The following DNAH5 variants were observed in gnomAD, a reference collection of about 807,000 sequenced individuals.
DNAH5 encodes axonemal beta dynein heavy chain 5.
A neutral mutation model predicts 518.2 loss-of-function variants in DNAH5; 372 were observed. The observed-to-expected ratio is 0.72, with a 90% confidence interval of 0.66 to 0.78. The LOEUF (loss-of-function observed/expected upper bound fraction) is 0.78, where lower values mean the gene tolerates loss of function less well. Among genes scored for constraint, DNAH5 ranks in the 30% least tolerant of loss-of-function variants. The pLI, the probability that DNAH5 is intolerant of heterozygous loss-of-function variation, is 0.00. For missense variants in DNAH5, 5,523 were observed against 5,687.0 expected, an observed-to-expected ratio of 0.97 and a Z score of 0.93; for synonymous variants, 2,039 against 2,025.9, an observed-to-expected ratio of 1.01 and a Z score of -0.17.
At chr5:13,821,071 TA>T (rs1762182935) in intron 40 of DNAH5, among the ~76,000 whole-genome samples, 1 of 152,162 alleles carries the variant, frequency 6.6e-6, no homozygotes, top group South Asian at 2.1e-4. Flanking sequence ...TTTACCATAA[TA>T]AAAAATATAT....
chr5:13,907,863 TAA>T (rs1202038186), intron 12 of DNAH5, among the ~76,000 whole-genome samples: 1 of 152,364 alleles, frequency 6.6e-6, no homozygotes, highest in Admixed American at 6.5e-5. Context: ...AAGTTTTAAT[TAA>T]GTCTTTGCAA....
chr5:13,919,173 G>T lies in DNAH5; in HGVS notation c.975+3C>A, dbSNP rs754023963. On this transcript the variant is annotated splice_donor_region_variant and intron_variant, in intron 7 of 78. Coordinates refer to ENST00000265104, the MANE Select transcript of DNAH5 (RefSeq NM_001369.3). ...CACAAGGCAAAATGAAATGGCTGAC[G>T]ACCTTCAGCAGTTTCGACTTGGCCG... The T allele has an allele frequency of 7.7e-5, 125 of 1,613,686 alleles. 2 individuals carry two copies. In the East Asian group the frequency reaches 2.8e-3, roughly 36 times the overall value.
intron 41 of DNAH5, among the ~76,000 whole-genome samples, chr5:13,819,099 CGA>C (rs1320972253): frequency 6.6e-6 from 1 of 152,074 alleles, no homozygotes; most frequent in Non-Finnish European, 1.5e-5. Flanking sequence ...TCATTTTGTT[CGA>C]GTCATTGTAC....
At chr5:13,741,731 T>C (rs1444043740) in intron 65 of DNAH5, among the ~76,000 whole-genome samples, 1 of 152,138 alleles carries the variant, frequency 6.6e-6, no homozygotes, top group Non-Finnish European at 1.5e-5. Context: ...CATTTAAAGG[T>C]CTTCACCTGA....
chr5:13,692,067 T>C lies in DNAH5; in HGVS notation c.13792A>G (p.Ile4598Val), dbSNP rs752872674. ...GCTGTCCTGAGATCCACAGCGGCAA[T>C]GTAGTTCAAGTCCGTTCGAACTGGC... ...KKPVRTDLNY[I>V]AAVDLRTAQT... The change falls in exon 79 of 79, where the codon ATT becomes GTT. Residue 4598 changes from isoleucine (I) to valine (V), a missense_variant. Ile to Val is a conservative substitution (Grantham distance 29). Around this residue, in one of 3 missense-constraint regions of DNAH5, gnomAD observed 387 missense variants for 430.0 expected, o/e 0.90. Coordinates refer to ENST00000265104, the MANE Select transcript of DNAH5 (RefSeq NM_001369.3). 4 of 1,613,996 alleles carry C rather than the reference T, an allele frequency of 2.5e-6. No individual in the cohort carries two copies. Among genetic ancestry groups the C allele is most frequent in the South Asian group, 1.1e-5 (1 of 91,072 alleles).
intron 75 of DNAH5, 69 bp from the exon 76 acceptor site, chr5:13,708,404 G>A: frequency 6.6e-7 from 1 of 1,517,846 alleles, no homozygotes; most frequent in Non-Finnish European, 9.1e-7. Context: ...CTGGTGCCCT[G>A]GGGCCTCTGA....
chr5:13,864,362 G>C, intron 28 of DNAH5, 35 bp downstream of exon 28: 1 of 1,611,960 alleles, frequency 6.2e-7, no homozygotes, highest in Non-Finnish European at 8.5e-7. Context: ...TAAATCCCAT[G>C]AGACCTTGCA....
chr5:13,955,200 C>T (rs1027801059), intron 1 of DNAH5, among the ~76,000 whole-genome samples: 7 of 152,130 alleles, frequency 4.6e-5, no homozygotes, highest in African/African-American at 1.4e-4. Flanking sequence ...GTGTGTGGCA[C>T]TTCCCCCCTC....
At position 13,701,292 on chromosome 5, in the gene DNAH5, T is replaced by A; in HGVS notation, c.13483A>T (p.Met4495Leu). 1 of 1,614,022 alleles carries A rather than the reference T, an allele frequency of 6.2e-7. No homozygotes were observed. The highest frequency in any genetic ancestry group is 2.2e-5 in the East Asian group (1 of 44,858). Residue 4495 changes from methionine (M) to leucine (L), a missense_variant, in exon 77 of 79, where the codon ATG becomes TTG. Physicochemically the swap from Met to Leu is conservative, Grantham distance 15. Coordinates refer to ENST00000265104, the MANE Select transcript of DNAH5 (RefSeq NM_001369.3). ...FFNPQGFLTA[M>L]RQEITRANKG... ...CAAATCAGAGCTCTTACCTGTCGCA[T>A]TGCAGTTAAAAATCCCTGGGGGTTA... is the stretch of plus-strand genomic sequence containing the variant.
intron 1 of DNAH5, among the ~76,000 whole-genome samples, chr5:13,987,684 C>T (rs114838675): frequency 0.029 from 4,378 of 152,008 alleles, 215 homozygotes; most frequent in African/African-American, 0.1. Flanking sequence ...GAAACCCCGT[C>T]TCTACTAAAA....
At chr5:13,866,837 A>G (rs1481176525) in intron 25 of DNAH5, among the ~76,000 whole-genome samples, 4 of 152,166 alleles carry the variant, frequency 2.6e-5, no homozygotes, top group African/African-American at 9.7e-5. Context: ...CCTAAACTCT[A>G]TATATTTCCC....
At chr5:13,976,405 GA>G (rs747256793) in intron 1 of DNAH5, among the ~76,000 whole-genome samples, 2 of 152,106 alleles carry the variant, frequency 1.3e-5, no homozygotes, top group Non-Finnish European at 2.9e-5. Flanking sequence ...TCCCAGCCAG[GA>G]GGTGAATCAT....
intron 75 of DNAH5, among the ~76,000 whole-genome samples, chr5:13,709,412 T>A (rs987315614): frequency 3.3e-5 from 5 of 151,836 alleles, no homozygotes; most frequent in Admixed American, 6.6e-5. Flanking sequence ...AAAAAAAAAA[T>A]TTGTGAGTGC....
chr5:13,937,486 T>C (rs974553480), intron 1 of DNAH5, among the ~76,000 whole-genome samples: 1 of 151,632 alleles, frequency 6.6e-6, no homozygotes, highest in Non-Finnish European at 1.5e-5. Flanking sequence ...CTCCTGAAAG[T>C]GTCTCGGAGG....
intron 41 of DNAH5, 21 bp downstream of exon 41, chr5:13,820,325 T>C (rs1206195541): frequency 1.2e-6 from 2 of 1,605,504 alleles, no homozygotes; most frequent in Admixed American, 1.7e-5. Context: ...ACCCCAGGCA[T>C]TGACCTTGGC....
In DNAH5 at chr5:13,751,161, G is replaced by A. The variant is rs750661309; in HGVS notation, c.11128C>T (p.Arg3710Cys). The A allele has an allele frequency of 2.7e-5, 44 of 1,613,852 alleles. No homozygotes were observed. The highest frequency in any genetic ancestry group is 7.7e-5 in the South Asian group (7 of 91,070). Reference protein sequence around the residue: ...NPAYTPEISARTSIIDFTVTM... With the variant: ...NPAYTPEISACTSIIDFTVTM... ...ACAGTGAAGTCAATGATGGAGGTAC[G>A]GGCACTTATCTCAGGGGTGTAGGCT... is the stretch of plus-strand genomic sequence containing the variant. Residue 3710 changes from arginine to cysteine, a missense_variant, in exon 65 of 79, where the codon CGT becomes TGT. Arg to Cys is a radical substitution (Grantham distance 180). This residue lies in a region of DNAH5 where 5,121 missense variants were observed against 5,223.3 expected (regional missense o/e 0.98). Coordinates refer to ENST00000265104, the MANE Select transcript of DNAH5 (RefSeq NM_001369.3).
chr5:13,734,687 C>A (rs1251447532), intron 68 of DNAH5, among the ~76,000 whole-genome samples: 3 of 152,046 alleles, frequency 2.0e-5, no homozygotes, highest in Admixed American at 1.3e-4. Context: ...CTTTGCCCAC[C>A]TACCGATCTC....
intron 71 of DNAH5, 151 bp from the exon 72 acceptor site, chr5:13,719,252 G>T (rs1744724444): frequency 1.4e-6 from 1 of 727,964 alleles, no homozygotes; most frequent in Non-Finnish European, 2.4e-6. Context: ...AAACAAAAAT[G>T]TTTAATTGCG....
At position 13,786,290 on chromosome 5, in the gene DNAH5, A is replaced by G; in HGVS notation, c.8709T>C (p.Phe2903=). 1 of 1,614,100 alleles carries G rather than the reference A, an allele frequency of 6.2e-7. No individual in the cohort carries two copies. The highest frequency in any genetic ancestry group is 1.1e-5 in the South Asian group (1 of 91,082). The change falls in exon 52 of 79, where the codon TTT becomes TTC. Residue 2903 remains phenylalanine (F), a synonymous_variant. Coordinates refer to ENST00000265104, the MANE Select transcript of DNAH5 (RefSeq NM_001369.3). The part of the protein sequence containing the change: ...TPKIYEPIES[F]SHLKERLNMF... ...TATTCAGACGCTCTTTTAGGTGACT[A>G]AAAGATTCAATTGGCTCATAAATTT...
Sources: gnomAD v4.1 joint callset for allele counts (sites outside exome capture counted in the v4.1 genomes callset) on GRCh38, gnomAD v4.1.1 for gene constraint, gnomAD v4.1.1 regional missense constraint, MANE v1.5 for transcripts, NCBI Gene and HGNC (gene_info 2026-07-23, HGNC 2026-07-21) for gene names.